Variants in CREB5 observed in about 807,000 individuals in gnomAD.
CREB5 encodes the protein cyclic AMP-responsive element-binding protein 5.
In CREB5, 19 loss-of-function variants were observed where a neutral mutation model predicts 57.1. That is an observed-to-expected ratio of 0.33 (90% CI 0.23 to 0.49). The LOEUF (loss-of-function observed/expected upper bound fraction) is 0.49. CREB5 is among the 20% of genes least tolerant of loss of function. The probability of loss-of-function intolerance (pLI) is 0.99; values close to 1 mark genes in which losing one functional copy is unlikely to be tolerated. For synonymous variants in CREB5, 238 were observed against 238.3 expected (o/e 1.00, Z 0.01); for missense variants, 579 against 671.6 (o/e 0.86, Z 1.52).
intron 5 of CREB5, among the ~76,000 whole-genome samples, chr7:28,698,638 G>A (rs924246743): frequency 2.0e-5 from 3 of 152,150 alleles, no homozygotes; most frequent in African/African-American, 7.2e-5. Context: ...TTCACTAAAA[G>A]CAAACAGATT....
intron 5 of CREB5, among the ~76,000 whole-genome samples, chr7:28,579,571 G>A (rs1406577543): frequency 1.3e-5 from 2 of 152,110 alleles, no homozygotes; most frequent in Non-Finnish European, 2.9e-5. Flanking sequence ...GCTTTTGCAG[G>A]GTCACAGAAC....
chr7:28,791,288 C>T (rs554658195), intron 7 of CREB5, among the ~76,000 whole-genome samples: 1 of 152,202 alleles, frequency 6.6e-6, no homozygotes, highest in South Asian at 2.1e-4. Flanking sequence ...GGATCATGTA[C>T]GTTTTCTACC....
chr7:28,761,392 T>C (rs1454430685), intron 7 of CREB5, among the ~76,000 whole-genome samples: 1 of 152,204 alleles, frequency 6.6e-6, no homozygotes, highest in Non-Finnish European at 1.5e-5. Context: ...CTTCTTGTTC[T>C]GAAATTCACA....
chr7:28,578,395 A>G (rs542225165), intron 5 of CREB5, among the ~76,000 whole-genome samples: 58 of 152,330 alleles, frequency 3.8e-4, no homozygotes, highest in African/African-American at 1.3e-3. Context: ...GAATATCAAA[A>G]AGAGAATTAA....
chr7:28,560,881 T>TGTGCGTGCGCGTGTGC (rs1554344374), intron 4 of CREB5, among the ~76,000 whole-genome samples: 2 of 46,206 alleles, frequency 4.3e-5, no homozygotes, highest in Non-Finnish European at 8.1e-5. Context: ...TGCGCGTGCG[T>TGTGCGTGCGCGTGTGC]GCGTGCGTGT....
At chr7:28,746,893 C>G (rs1180048625) in intron 7 of CREB5, among the ~76,000 whole-genome samples, 1 of 152,138 alleles carries the variant, frequency 6.6e-6, no homozygotes, top group Admixed American at 6.6e-5. Context: ...GGTTCCCAGA[C>G]GTTTCTTAGG....
intron 5 of CREB5, among the ~76,000 whole-genome samples, chr7:28,707,368 AC>A (rs1356716729): frequency 6.6e-6 from 1 of 152,240 alleles, no homozygotes; most frequent in African/African-American, 2.4e-5. Flanking sequence ...CATGGATATT[AC>A]AGCCACGTAG....
chr7:28,427,499 T>C (rs1463913379), intron 1 of CREB5, among the ~76,000 whole-genome samples: 1 of 152,182 alleles, frequency 6.6e-6, no homozygotes, highest in Non-Finnish European at 1.5e-5. Context: ...CTTAGGCTGG[T>C]TGAAAAATCT....
intron 2 of CREB5, among the ~76,000 whole-genome samples, chr7:28,490,328 G>C (rs1489868531): frequency 6.6e-6 from 1 of 152,206 alleles, no homozygotes; most frequent in Non-Finnish European, 1.5e-5. Context: ...CAGGGATTAA[G>C]TTTACTTGGG....
At chr7:28,626,581 C>T (rs1798003799) in intron 5 of CREB5, among the ~76,000 whole-genome samples, 2 of 152,184 alleles carry the variant, frequency 1.3e-5, no homozygotes, top group Non-Finnish European at 2.9e-5. Context: ...CTCTTAACCC[C>T]TCCCCTCTGT....
intron 3 of CREB5, among the ~76,000 whole-genome samples, chr7:28,498,632 A>G (rs925508169): frequency 2.6e-5 from 4 of 152,234 alleles, no homozygotes; most frequent in Admixed American, 2.0e-4. Context: ...TAGGGTATTA[A>G]AAGTGACAGT....
At chr7:28,510,960 C>T (rs1408241806) in intron 4 of CREB5, among the ~76,000 whole-genome samples, 1 of 152,056 alleles carries the variant, frequency 6.6e-6, no homozygotes, top group African/African-American at 2.4e-5. Context: ...AAATTTTGTT[C>T]ATCATTTTTC....
chr7:28,446,153 GC>G (rs1296233867), intron 1 of CREB5, among the ~76,000 whole-genome samples: 1 of 152,078 alleles, frequency 6.6e-6, no homozygotes, highest in Non-Finnish European at 1.5e-5. Flanking sequence ...TCGACAGTCT[GC>G]CCACTGTTTC....
At chr7:28,802,080 A>G (rs1454341562) in intron 7 of CREB5, among the ~76,000 whole-genome samples, 17 of 140,434 alleles carry the variant, frequency 1.2e-4, no homozygotes, top group African/African-American at 4.2e-4. Flanking sequence ...CTCCATCTGA[A>G]AAAAAAAAAA....
intron 1 of CREB5, among the ~76,000 whole-genome samples, chr7:28,469,896 C>T (rs1790738130): frequency 6.6e-6 from 1 of 151,950 alleles, no homozygotes; most frequent in Admixed American, 6.5e-5. Flanking sequence ...CTCTTTTTTT[C>T]CAATGTGATC....
At chr7:28,560,905 C>CAT (rs2058737238) in intron 4 of CREB5, among the ~76,000 whole-genome samples, 1 of 13,470 alleles carries the variant, frequency 7.4e-5, no homozygotes, top group Admixed American at 7.0e-4. Context: ...TGCGTGCGCG[C>CAT]GTGCGTGTGC....
chr7:28,404,413 CAG>C (rs924090203), intron 1 of CREB5, among the ~76,000 whole-genome samples: 8 of 152,108 alleles, frequency 5.3e-5, no homozygotes, highest in African/African-American at 1.9e-4. Context: ...CCCACTCAGT[CAG>C]AGAGATCATG....
intron 5 of CREB5, among the ~76,000 whole-genome samples, chr7:28,650,472 T>C (rs1474477472): frequency 1.3e-5 from 2 of 152,104 alleles, no homozygotes; most frequent in Non-Finnish European, 2.9e-5. Flanking sequence ...CCTGAACTGA[T>C]TACTTCTGCC....
intron 5 of CREB5, among the ~76,000 whole-genome samples, chr7:28,618,262 G>T (rs1797668589): frequency 1.3e-5 from 2 of 151,738 alleles, no homozygotes; most frequent in South Asian, 4.1e-4. Flanking sequence ...GTGTCCCTGT[G>T]TGTGCCACTG....
Sources: gnomAD v4.1 joint callset for allele counts (sites outside exome capture counted in the v4.1 genomes callset) on GRCh38, gnomAD v4.1.1 for gene constraint, MANE v1.5 for transcripts, NCBI Gene and HGNC (gene_info 2026-07-23, HGNC 2026-07-21) for gene names.